The following CNTN5 variants were observed in gnomAD, a reference collection of about 807,000 sequenced individuals.
CNTN5 encodes the protein contactin-5.
A neutral mutation model predicts 129.1 loss-of-function variants in CNTN5; 77 were observed. The observed-to-expected ratio is 0.60, with a 90% CI of 0.50 to 0.72. The LOEUF (loss-of-function observed/expected upper bound fraction) is 0.72, where lower values mean the gene tolerates loss of function less well. CNTN5 is among the 30% of genes least tolerant of loss of function. The pLI is 0.00. For missense variants in CNTN5, 1,478 were observed against 1,328.8 expected, an observed-to-expected ratio of 1.11 and a Z score of -1.75; for synonymous variants, 509 against 465.6, an observed-to-expected ratio of 1.09 and a Z score of -1.20.
intron 6 of CNTN5, among the ~76,000 whole-genome samples, chr11:99,900,027 C>A (rs554465287): frequency 4.0e-5 from 6 of 151,222 alleles, no homozygotes; most frequent in Non-Finnish European, 8.9e-5. Flanking sequence ...TCATAAAGGT[C>A]ATCATACTAG....
intron 6 of CNTN5, among the ~76,000 whole-genome samples, chr11:99,876,292 C>T (rs1274867975): frequency 1.3e-5 from 2 of 152,084 alleles, no homozygotes; most frequent in East Asian, 1.9e-4. Context: ...TTACTGCTAA[C>T]CTCTGTTTCT....
Position 100,280,082 on chromosome 11 carries a change from G to A in CNTN5, c.2314+8841G>A, listed in dbSNP as rs78776116. ...TCATTGACCCATGGGTCATTCAGGA[G>A]CATTTTTTTTGTGACCTAACATATG... On this transcript the variant is annotated intron_variant, in intron 18 of 24. Coordinates refer to ENST00000524871, the MANE Select transcript of CNTN5 (RefSeq NM_014361.4). Among the ~76,000 whole-genome samples the A allele has an allele frequency of 7.5e-3, 1,138 of 151,170 alleles. 9 individuals carry two copies. The highest frequency in any genetic ancestry group is 9.8e-3 in the Non-Finnish European group (659 of 67,568).
chr11:99,382,844 A>AGTTTTTT lies in CNTN5; in HGVS notation c.-71+57360_-71+57361insGTTTTTT, dbSNP rs774797660. On this transcript the variant is annotated intron_variant, in intron 2 of 24. Coordinates refer to ENST00000524871, the MANE Select transcript of CNTN5 (RefSeq NM_014361.4). ...CACATCTCACTAGTGTCTCTAAATA[A>AGTTTTTT]CTTTTTTTTTTTTTTTTTTTTTTTT... 7.6e-3 allele frequency among the ~76,000 whole-genome samples: 529 copies of AGTTTTTT among 69,194 alleles called. 63 individuals carry two copies. Among genetic ancestry groups the AGTTTTTT allele is most frequent in the African/African-American group, 0.02 (275 of 13,956 alleles). The allele number at this position is 69,194 out of a possible 152,430, so 45.4% of individuals were successfully genotyped here.
chr11:99,827,669 A>G (rs776252964), intron 4 of CNTN5, among the ~76,000 whole-genome samples: 1 of 152,238 alleles, frequency 6.6e-6, no homozygotes, highest in Non-Finnish European at 1.5e-5. Context: ...AATAACTTAC[A>G]CATAGCTTTG....
At chr11:99,453,027 T>C (rs1036362466) in intron 2 of CNTN5, among the ~76,000 whole-genome samples, 1 of 152,202 alleles carries the variant, frequency 6.6e-6, no homozygotes, top group Non-Finnish European at 1.5e-5. Flanking sequence ...AAAACCGGTG[T>C]GCTGTGCTGT....
intron 1 of CNTN5, among the ~76,000 whole-genome samples, chr11:99,194,098 C>G (rs528673993): frequency 6.6e-6 from 1 of 152,064 alleles, no homozygotes; most frequent in East Asian, 1.9e-4. Flanking sequence ...GATAGAAATG[C>G]TGAATACTAG....
At chr11:99,162,943 G>T (rs1376515815) in intron 1 of CNTN5, among the ~76,000 whole-genome samples, 1 of 152,142 alleles carries the variant, frequency 6.6e-6, no homozygotes, top group Admixed American at 6.5e-5. Flanking sequence ...GAAACACAGT[G>T]AATTTGGTCA....
intron 3 of CNTN5, among the ~76,000 whole-genome samples, chr11:99,704,938 G>C (rs1430411980): frequency 6.6e-6 from 1 of 151,172 alleles, no homozygotes; most frequent in Non-Finnish European, 1.5e-5. Flanking sequence ...TAGAGCATCT[G>C]GCATTCCAAT....
At chr11:99,945,860 A>C (rs892044004) in intron 7 of CNTN5, among the ~76,000 whole-genome samples, 1 of 152,024 alleles carries the variant, frequency 6.6e-6, no homozygotes, top group Admixed American at 6.6e-5. Context: ...GGCACTTAAT[A>C]CACATTTCAT....
chr11:99,606,966 T>G (rs1950439354), intron 3 of CNTN5, among the ~76,000 whole-genome samples: 1 of 118,420 alleles, frequency 8.4e-6, no homozygotes, highest in African/African-American at 3.2e-5. Flanking sequence ...ATTAAAGATT[T>G]AAACGTTAGA....
At chr11:100,052,218 A>T (rs922573245) in intron 9 of CNTN5, among the ~76,000 whole-genome samples, 1 of 151,940 alleles carries the variant, frequency 6.6e-6, no homozygotes, top group Non-Finnish European at 1.5e-5. Context: ...GATTAGAGGG[A>T]AACTTTCTCA....
chr11:100,238,216 A>G (rs1274070800), intron 16 of CNTN5, among the ~76,000 whole-genome samples: 2 of 152,118 alleles, frequency 1.3e-5, no homozygotes, highest in African/African-American at 4.8e-5. Flanking sequence ...TACTTAGTAA[A>G]TATTAGTTGA....
chr11:99,143,299 A>C (rs1261156079), intron 1 of CNTN5, among the ~76,000 whole-genome samples: 2 of 135,204 alleles, frequency 1.5e-5, no homozygotes, highest in African/African-American at 5.6e-5. Flanking sequence ...TAAAATATAC[A>C]TGTAAAATAT....
intron 3 of CNTN5, among the ~76,000 whole-genome samples, chr11:99,625,242 T>A (rs895844125): frequency 6.6e-6 from 1 of 152,202 alleles, no homozygotes; most frequent in Admixed American, 6.5e-5. Flanking sequence ...TACTGAATGA[T>A]GAGAATTAAC....
At chr11:99,170,994 C>G (rs1023834553) in intron 1 of CNTN5, among the ~76,000 whole-genome samples, 2 of 152,144 alleles carry the variant, frequency 1.3e-5, no homozygotes, top group Non-Finnish European at 2.9e-5. Context: ...AATAGAAAGT[C>G]AAGACCTACA....
intron 1 of CNTN5, among the ~76,000 whole-genome samples, chr11:99,121,730 G>A (rs1258585622): frequency 2.6e-5 from 4 of 152,110 alleles, no homozygotes; most frequent in Non-Finnish European, 4.4e-5. Context: ...TGACCCTTCT[G>A]CCTACAGTAT....
At chr11:99,045,131 C>T (rs1240217485) in intron 1 of CNTN5, among the ~76,000 whole-genome samples, 1 of 152,080 alleles carries the variant, frequency 6.6e-6, no homozygotes, top group South Asian at 2.1e-4. Flanking sequence ...CAGGATGCAT[C>T]CCATGTAGGG....
chr11:99,458,582 A>T (rs1944576645), intron 2 of CNTN5, among the ~76,000 whole-genome samples: 1 of 152,014 alleles, frequency 6.6e-6, no homozygotes, highest in South Asian at 2.1e-4. Context: ...GGAAAAAATA[A>T]CTGTCCACTG....
chr11:99,834,489 C>T (rs1947241538), intron 4 of CNTN5, among the ~76,000 whole-genome samples: 1 of 152,094 alleles, frequency 6.6e-6, no homozygotes, highest in South Asian at 2.1e-4. Flanking sequence ...TTGTGCCAGC[C>T]TGGATGACGG....
Sources: allele counts gnomAD v4.1 joint callset (sites outside exome capture counted in the v4.1 genomes callset), GRCh38; gene constraint gnomAD v4.1.1; transcripts MANE v1.5; gene names NCBI Gene and HGNC (gene_info 2026-07-23, HGNC 2026-07-21).